Variants in KCNIP4 observed in about 807,000 individuals in gnomAD.
The protein encoded by KCNIP4 is potassium voltage-gated channel interacting protein 4, also known as Kv channel-interacting protein 4.
Under a neutral mutation model 34.0 loss-of-function variants are expected in KCNIP4, and 12 were observed. That is an observed-to-expected ratio of 0.35 (90% CI 0.23 to 0.57). The LOEUF (loss-of-function observed/expected upper bound fraction) is 0.57, where lower values mean the gene tolerates loss of function less well. Among genes scored for constraint, KCNIP4 ranks in the 20% least tolerant of loss-of-function variants. The pLI is 0.83. For synonymous variants in KCNIP4, 124 were observed against 102.2 expected (o/e 1.21, Z -1.29); for missense variants, 238 against 311.7 (o/e 0.76, Z 1.78).
At chr4:21,586,405 T>A (rs1741619406) in intron 1 of KCNIP4, among the ~76,000 whole-genome samples, 1 of 152,034 alleles carries the variant, frequency 6.6e-6, no homozygotes, top group Non-Finnish European at 1.5e-5. Context: ...AGCATCTAAA[T>A]GCAAAGACAT....
At chr4:21,599,147 A>C (rs1385174071) in intron 1 of KCNIP4, among the ~76,000 whole-genome samples, 2 of 152,100 alleles carry the variant, frequency 1.3e-5, no homozygotes, top group African/African-American at 4.8e-5. Context: ...CCTTCGGGAA[A>C]TGTTCTACTG....
At chr4:21,823,387 C>G (rs1722486375) in intron 1 of KCNIP4, among the ~76,000 whole-genome samples, 1 of 151,508 alleles carries the variant, frequency 6.6e-6, no homozygotes, top group Non-Finnish European at 1.5e-5. Context: ...AGAGGGGTTA[C>G]AGAAAACTAT....
At chr4:21,748,706 T>C (rs1716944178) in intron 1 of KCNIP4, among the ~76,000 whole-genome samples, 1 of 152,150 alleles carries the variant, frequency 6.6e-6, no homozygotes, top group Non-Finnish European at 1.5e-5. Context: ...TGTTGTACTG[T>C]CATTAATAAT....
chr4:21,345,623 A>C (rs918863187), intron 1 of KCNIP4, among the ~76,000 whole-genome samples: 1 of 152,168 alleles, frequency 6.6e-6, no homozygotes, highest in East Asian at 1.9e-4. Context: ...AGCTTTGACT[A>C]TCAGGGAAAG....
intron 1 of KCNIP4, among the ~76,000 whole-genome samples, chr4:21,367,023 GCT>G (rs1270917784): frequency 6.6e-6 from 1 of 152,032 alleles, no homozygotes; most frequent in African/African-American, 2.4e-5. Flanking sequence ...GGAGTGATTG[GCT>G]CTCTTCTGCC....
At chr4:21,322,049 GAAGA>G (rs1173880424) in intron 1 of KCNIP4, among the ~76,000 whole-genome samples, 2 of 142,104 alleles carry the variant, frequency 1.4e-5, no homozygotes, top group African/African-American at 5.2e-5. Context: ...AGGAAGGAAG[GAAGA>G]AAGGAAGGAA....
intron 1 of KCNIP4, among the ~76,000 whole-genome samples, chr4:21,076,125 C>T (rs1054785166): frequency 6.6e-6 from 1 of 152,076 alleles, no homozygotes; most frequent in Non-Finnish European, 1.5e-5. Context: ...CTTGGAGTTG[C>T]TCTTCTCGAG....
intron 1 of KCNIP4, among the ~76,000 whole-genome samples, chr4:21,259,920 T>TGTGTGTGTGTGTGTGTGTGTGC (rs755266993): frequency 2.0e-5 from 3 of 150,078 alleles, no homozygotes; most frequent in East Asian, 2.0e-4. Flanking sequence ...TGTGTGTGTG[T>TGTGTGTGTGTGTGTGTGTGTGC]GCACGTGCGC....
At chr4:20,732,857 A>T (rs1748666193) in intron 6 of KCNIP4, 72 bp from the exon 7 acceptor site, 2 of 900,236 alleles carry the variant, frequency 2.2e-6, no homozygotes, top group Non-Finnish European at 3.5e-6. Flanking sequence ...GCTCTGACAG[A>T]TTTTTCCTAC....
rs1749118060 is a variant in KCNIP4 at position 20,734,528 on chromosome 4, C to T, written c.537+100G>A. The T allele has an allele frequency of 8.7e-6, 5 of 576,580 alleles. No individual in the cohort carries two copies. In the East Asian group the frequency reaches 1.3e-4, roughly 15 times the overall value. 35.7% of individuals were successfully genotyped at this position (576,580 alleles called of 1,614,324 possible). On this transcript the variant is annotated intron_variant, in intron 6 of 8. Transcript: ENST00000382152. ...CACTACATAAAATATTTTGGAATTT[C>T]CTCAAAAAAACTTTTCAAATTAATA...
Position 21,738,185 on chromosome 4 carries a change from TA to T in KCNIP4, c.61+210385del, listed in dbSNP as rs553590268. Among the ~76,000 whole-genome samples, 434 of 152,064 alleles carry T rather than the reference TA, an allele frequency of 2.9e-3. 2 individuals are homozygous for T. The highest frequency in any genetic ancestry group is 9.6e-3 in the African/African-American group (400 of 41,536). ...AAATCTAATGAATTTATTAATATTT[TA>T]AAAGGCATATACTTGAAATCTATTT... On this transcript the variant is annotated intron_variant, in intron 1 of 8. Coordinates refer to ENST00000382152, the MANE Select transcript of KCNIP4 (RefSeq NM_025221.6).
chr4:21,936,466 C>T (rs1371507739), intron 1 of KCNIP4, among the ~76,000 whole-genome samples: 1 of 152,040 alleles, frequency 6.6e-6, no homozygotes, highest in African/African-American at 2.4e-5. Flanking sequence ...CAGTCTCAGA[C>T]ATGTCTTTAT....
chr4:21,482,502 G>A (rs569842440), intron 1 of KCNIP4, among the ~76,000 whole-genome samples: 2 of 152,242 alleles, frequency 1.3e-5, no homozygotes, highest in South Asian at 4.1e-4. Flanking sequence ...TGTAGGGCAG[G>A]CCTGGTGGTG....
At chr4:20,886,333 C>T (rs1326020901) in intron 1 of KCNIP4, among the ~76,000 whole-genome samples, 1 of 152,186 alleles carries the variant, frequency 6.6e-6, no homozygotes, top group Non-Finnish European at 1.5e-5. Flanking sequence ...AGCTCATAGT[C>T]ACTGAGCTGA....
chr4:20,928,091 G>A (rs893813550), intron 1 of KCNIP4, among the ~76,000 whole-genome samples: 1 of 151,916 alleles, frequency 6.6e-6, no homozygotes, highest in Admixed American at 6.6e-5. Flanking sequence ...GCATAAAAAT[G>A]TTCAAATAAA....
intron 1 of KCNIP4, among the ~76,000 whole-genome samples, chr4:21,573,412 C>A (rs910479813): frequency 3.9e-5 from 6 of 151,998 alleles, no homozygotes; most frequent in African/African-American, 1.2e-4. Context: ...TTAGATATTT[C>A]TTTATTTATC....
rs556657937 is a variant in KCNIP4 at position 21,026,948 on chromosome 4, AT to A, written c.62-144240del. On this transcript the variant is annotated intron_variant, in intron 1 of 8. Coordinates refer to ENST00000382152, the MANE Select transcript of KCNIP4 (RefSeq NM_025221.6). ...GTTGGATGATGCAAACCTATGGGTC[AT>A]TTGGGGGTTTTGTCTCTATTATAAA... 3.3e-3 allele frequency among the ~76,000 whole-genome samples: 498 copies of A among 152,272 alleles called. 3 individuals are homozygous for A. The highest frequency in any genetic ancestry group is 0.011 in the African/African-American group (453 of 41,566).
chr4:20,825,723 G>C (rs1172192711), intron 3 of KCNIP4, among the ~76,000 whole-genome samples: 1 of 152,200 alleles, frequency 6.6e-6, no homozygotes, highest in Non-Finnish European at 1.5e-5. Context: ...TGGGAGATGA[G>C]TCATGAACAT....
At chr4:21,454,676 GT>G (rs1244499046) in intron 1 of KCNIP4, among the ~76,000 whole-genome samples, 1 of 152,058 alleles carries the variant, frequency 6.6e-6, no homozygotes, top group Non-Finnish European at 1.5e-5. Context: ...CTAAGCAGTA[GT>G]TTTCTAGCAC....
Sources: gnomAD v4.1 joint callset for allele counts (sites outside exome capture counted in the v4.1 genomes callset) on GRCh38, gnomAD v4.1.1 for gene constraint, MANE v1.5 for transcripts, NCBI Gene and HGNC (gene_info 2026-07-23, HGNC 2026-07-21) for gene names.